Variants in KCND2 observed in about 807,000 individuals in gnomAD.
The protein encoded by KCND2 is A-type voltage-gated potassium channel KCND2.
A neutral mutation model predicts 54.4 loss-of-function variants in KCND2; 16 were observed. That is an observed-to-expected ratio of 0.29 (90% CI 0.20 to 0.45). KCND2 has a LOEUF of 0.45. KCND2 is among the 20% of genes least tolerant of loss of function. The probability of loss-of-function intolerance (pLI) is 1.00; values close to 1 mark genes in which losing one functional copy is unlikely to be tolerated. For synonymous variants in KCND2, 317 were observed against 310.7 expected, an observed-to-expected ratio of 1.02 and a Z score of -0.21; for missense variants, 486 against 824.2, an observed-to-expected ratio of 0.59 and a Z score of 5.02.
chr7:120,569,394 G>A (rs1327577144), intron 1 of KCND2, among the ~76,000 whole-genome samples: 1 of 152,050 alleles, frequency 6.6e-6, no homozygotes, highest in Non-Finnish European at 1.5e-5. Context: ...CTTACATAAA[G>A]TAAAACTTAA....
chr7:120,286,292 C>T (rs1437475790), intron 1 of KCND2, among the ~76,000 whole-genome samples: 1 of 151,678 alleles, frequency 6.6e-6, no homozygotes, highest in Non-Finnish European at 1.5e-5. Flanking sequence ...CACATATACA[C>T]CAATACAAAA....
intron 1 of KCND2, among the ~76,000 whole-genome samples, chr7:120,473,306 G>T (rs911964235): frequency 6.6e-6 from 1 of 152,114 alleles, no homozygotes; most frequent in Non-Finnish European, 1.5e-5. Context: ...TAACCACAGC[G>T]CTCATCGTCA....
intron 1 of KCND2, among the ~76,000 whole-genome samples, chr7:120,704,481 C>G (rs1286886409): frequency 1.3e-5 from 2 of 152,056 alleles, no homozygotes; most frequent in Non-Finnish European, 2.9e-5. Context: ...AAAGGCAATT[C>G]CTGCTCAGTG....
Position 120,607,633 on chromosome 7 carries a change from A to C in KCND2, c.1116-125270A>C, listed in dbSNP as rs890694637. Among the ~76,000 whole-genome samples the C allele has an allele frequency of 2.6e-5, 4 of 152,286 alleles. No homozygotes were observed. In the South Asian group the frequency reaches 6.2e-4, roughly 24 times the overall value. The stretch of plus-strand genomic sequence containing the variant: ...AATAAATACAGATTATTCCCAATGC[A>C]ATAAATAAGATGATTGTAGCTAATA... On this transcript the variant is annotated intron_variant, in intron 1 of 5. Transcript: ENST00000331113.
intron 1 of KCND2, among the ~76,000 whole-genome samples, chr7:120,313,604 A>G (rs1487465078): frequency 6.6e-6 from 1 of 151,978 alleles, no homozygotes; most frequent in African/African-American, 2.4e-5. Flanking sequence ...GCCTTGAAGT[A>G]GTAGCAGCTG....
At chr7:120,497,944 C>T (rs368825600) in intron 1 of KCND2, among the ~76,000 whole-genome samples, 16 of 151,790 alleles carry the variant, frequency 1.1e-4, no homozygotes, top group African/African-American at 2.4e-4. Flanking sequence ...AAACACAGTA[C>T]GCATTAAAAT....
At chr7:120,623,376 T>C (rs188214083) in intron 1 of KCND2, among the ~76,000 whole-genome samples, 3 of 152,358 alleles carry the variant, frequency 2.0e-5, no homozygotes, top group Admixed American at 2.0e-4. Context: ...ACTTCTCTTA[T>C]GACGCTTACA....
chr7:120,613,522 C>T (rs1308967922), intron 1 of KCND2, among the ~76,000 whole-genome samples: 1 of 152,146 alleles, frequency 6.6e-6, no homozygotes, highest in Non-Finnish European at 1.5e-5. Flanking sequence ...CAGAGCGAGA[C>T]TCCATCTTGG....
intron 1 of KCND2, among the ~76,000 whole-genome samples, chr7:120,424,525 G>A (rs1344284529): frequency 6.6e-6 from 1 of 152,192 alleles, no homozygotes; most frequent in Admixed American, 6.5e-5. Flanking sequence ...ATTCACTTCT[G>A]TTAAAGGTCG....
intron 1 of KCND2, among the ~76,000 whole-genome samples, chr7:120,532,878 C>T (rs1047909683): frequency 2.2e-4 from 34 of 151,646 alleles, no homozygotes; most frequent in African/African-American, 6.3e-4. Flanking sequence ...TAAGATAAGC[C>T]GCTATGTAGT....
intron 1 of KCND2, among the ~76,000 whole-genome samples, chr7:120,456,816 G>C (rs1054829715): frequency 6.6e-6 from 1 of 152,190 alleles, no homozygotes. Flanking sequence ...GCCCCAGTGA[G>C]GACTCTGTGT....
At chr7:120,494,073 C>A (rs10274789) in intron 1 of KCND2, among the ~76,000 whole-genome samples, 42,052 of 151,762 alleles carry the variant, frequency 0.28, 8,801 homozygotes, top group African/African-American at 0.57. Flanking sequence ...GATAGGACGA[C>A]CTAAACAATA....
intron 1 of KCND2, among the ~76,000 whole-genome samples, chr7:120,325,561 T>C (rs1799962008): frequency 6.6e-6 from 1 of 151,506 alleles, no homozygotes; most frequent in South Asian, 2.1e-4. Flanking sequence ...GAGATAATCA[T>C]GTGGTTTTTG....
chr7:120,377,801 C>T (rs975384270), intron 1 of KCND2, among the ~76,000 whole-genome samples: 1 of 151,832 alleles, frequency 6.6e-6, no homozygotes, highest in African/African-American at 2.4e-5. Flanking sequence ...ATGCTCTTTC[C>T]CAGTCTATCC....
rs148065332 is a variant in KCND2, at chr7:120,302,541, G to A, written c.1115+26794G>A. Reference sequence around the variant, plus strand: ...CTGCCTTGGCCTCCCAGAGTGCTGCGATTACAGGCATAAGCCACTGTGCCT... The same window carrying A: ...CTGCCTTGGCCTCCCAGAGTGCTGCAATTACAGGCATAAGCCACTGTGCCT... On this transcript the variant is annotated intron_variant, in intron 1 of 5. Transcript: ENST00000331113. Among the ~76,000 whole-genome samples the A allele has an allele frequency of 6.3e-4, 96 of 152,264 alleles. 1 individual carries two copies. The East Asian group carries it at 0.01, about 17-fold the overall frequency.
At chr7:120,458,650 T>C (rs1562843892) in intron 1 of KCND2, among the ~76,000 whole-genome samples, 1 of 152,120 alleles carries the variant, frequency 6.6e-6, no homozygotes, top group Non-Finnish European at 1.5e-5. Context: ...GCTGAGAGGA[T>C]GAAAATACAT....
chr7:120,740,238 C>T (rs1335995093), intron 2 of KCND2, among the ~76,000 whole-genome samples: 1 of 151,924 alleles, frequency 6.6e-6, no homozygotes, highest in Non-Finnish European at 1.5e-5. Context: ...AGTGGGATGG[C>T]TCCAGGGTCA....
intron 1 of KCND2, among the ~76,000 whole-genome samples, chr7:120,473,915 G>A (rs1274720098): frequency 6.6e-6 from 1 of 152,192 alleles, no homozygotes; most frequent in Non-Finnish European, 1.5e-5. Flanking sequence ...GTCATGGGAG[G>A]AATCAGCAAC....
intron 1 of KCND2, among the ~76,000 whole-genome samples, chr7:120,586,632 A>T (rs1294442021): frequency 1.3e-5 from 2 of 152,162 alleles, no homozygotes; most frequent in Middle Eastern, 3.2e-3. Context: ...ATAAGCAAAG[A>T]CACTTTATTA....
Sources: allele counts gnomAD v4.1 joint callset (sites outside exome capture counted in the v4.1 genomes callset), GRCh38; gene constraint gnomAD v4.1.1; transcripts MANE v1.5; gene names NCBI Gene and HGNC (gene_info 2026-07-23, HGNC 2026-07-21).